Variants in PLD5 observed in about 807,000 individuals in gnomAD.
PLD5 encodes phospholipase D family member 5.
Under a neutral mutation model 61.1 loss-of-function variants are expected in PLD5, and 36 were observed. That is an observed-to-expected ratio of 0.59 (90% confidence interval 0.45 to 0.78). The LOEUF (loss-of-function observed/expected upper bound fraction) is 0.78, where lower values mean the gene tolerates loss of function less well. Ranked by LOEUF, PLD5 falls within the 30% of genes least tolerant of loss-of-function variation. The pLI is 0.00. For missense variants in PLD5, 515 were observed against 644.4 expected (o/e 0.80, Z 2.17); for synonymous variants, 243 against 242.8 (o/e 1.00, Z -0.01).
chr1:242,222,697 G>C (rs1169880232), intron 4 of PLD5, among the ~76,000 whole-genome samples: 1 of 152,120 alleles, frequency 6.6e-6, no homozygotes, highest in Non-Finnish European at 1.5e-5. Context: ...CACTGGGGAC[G>C]ACCTCTTTGT....
chr1:242,519,992 G>T (rs1669227365), intron 1 of PLD5, among the ~76,000 whole-genome samples: 1 of 152,194 alleles, frequency 6.6e-6, no homozygotes, highest in Non-Finnish European at 1.5e-5. Flanking sequence ...GCCAAACACT[G>T]CACTAAGTGC....
chr1:242,221,402 T>C (rs888586272), intron 4 of PLD5, among the ~76,000 whole-genome samples: 4 of 152,234 alleles, frequency 2.6e-5, no homozygotes, highest in Non-Finnish European at 5.9e-5. Flanking sequence ...GTCAGAGTCT[T>C]CATTACCACA....
intron 1 of PLD5, among the ~76,000 whole-genome samples, chr1:242,455,641 A>G (rs1666921703): frequency 6.6e-6 from 1 of 152,242 alleles, no homozygotes; most frequent in Admixed American, 6.5e-5. Flanking sequence ...GCAATGAAGT[A>G]GGCGCTTATA....
intron 1 of PLD5, among the ~76,000 whole-genome samples, chr1:242,439,947 G>A (rs2810030): frequency 0.42 from 64,585 of 151,988 alleles, 13,919 homozygotes; most frequent in Admixed American, 0.49. Context: ...TTCAGTTTGG[G>A]AAACTCCAAA....
At chr1:242,123,862 G>C (rs1240827481) in intron 6 of PLD5, among the ~76,000 whole-genome samples, 4 of 152,170 alleles carry the variant, frequency 2.6e-5, no homozygotes, top group Admixed American at 6.5e-5. Context: ...GGACTGGGAA[G>C]GTGAGGGTGG....
intron 3 of PLD5, among the ~76,000 whole-genome samples, chr1:242,286,677 T>C (rs1364764142): frequency 6.6e-6 from 1 of 152,224 alleles, no homozygotes; most frequent in African/African-American, 2.4e-5. Context: ...TAAAAACATC[T>C]TACTTTGGCC....
chr1:242,115,006 G>A (rs955192978), intron 6 of PLD5, among the ~76,000 whole-genome samples: 15 of 151,774 alleles, frequency 9.9e-5, no homozygotes, highest in African/African-American at 2.7e-4. Context: ...GTGAAACCCC[G>A]TCTCTACTAA....
chr1:242,396,854 A>G (rs1023690760), intron 1 of PLD5, among the ~76,000 whole-genome samples: 19 of 151,308 alleles, frequency 1.3e-4, no homozygotes, highest in African/African-American at 4.6e-4. Context: ...TAATTTTTGT[A>G]TTTTTAGCAG....
chr1:242,235,195 G>T (rs1558379301), intron 4 of PLD5, among the ~76,000 whole-genome samples: 1 of 152,090 alleles, frequency 6.6e-6, no homozygotes, highest in Non-Finnish European at 1.5e-5. Flanking sequence ...CCTCATGAGG[G>T]TAATAACAGG....
intron 1 of PLD5, among the ~76,000 whole-genome samples, chr1:242,502,551 T>G (rs1668587000): frequency 1.3e-5 from 2 of 151,932 alleles, no homozygotes; most frequent in African/African-American, 4.9e-5. Flanking sequence ...AAGATACCTT[T>G]TCTTGCATTT....
intron 4 of PLD5, among the ~76,000 whole-genome samples, chr1:242,253,577 T>G (rs1672841619): frequency 6.6e-6 from 1 of 152,018 alleles, no homozygotes; most frequent in Non-Finnish European, 1.5e-5. Context: ...TCTCCCAAAG[T>G]GCTGGGATTA....
rs1282261048 is a variant in PLD5 at position 242,263,832 on chromosome 1, A to G, written c.607+1505T>C. ...TTTATTCGTGCATTTGTCAATCACT[A>G]TTTGCTGTTTACAGTAGCAAATATT... On this transcript the variant is annotated intron_variant, in intron 4 of 9. Transcript: ENST00000536534. 3.9e-5 allele frequency among the ~76,000 whole-genome samples: 6 copies of G among 152,236 alleles called. No homozygotes were observed. The South Asian group carries it at 8.3e-4, about 21-fold the overall frequency.
chr1:242,227,362 G>A (rs1174838643), intron 4 of PLD5, among the ~76,000 whole-genome samples: 1 of 151,846 alleles, frequency 6.6e-6, no homozygotes, highest in African/African-American at 2.4e-5. Context: ...ACACTGCTCT[G>A]TTTGTTTGTT....
intron 1 of PLD5, among the ~76,000 whole-genome samples, chr1:242,457,986 T>A (rs1294259731): frequency 6.6e-6 from 1 of 152,186 alleles, no homozygotes; most frequent in Non-Finnish European, 1.5e-5. Flanking sequence ...CCTTTCAATA[T>A]CACTTTAGGT....
chr1:242,459,167 T>A (rs1418288202), intron 1 of PLD5, among the ~76,000 whole-genome samples: 1 of 152,232 alleles, frequency 6.6e-6, no homozygotes, highest in Admixed American at 6.5e-5. Context: ...ACAAATGCAA[T>A]GTGATTGGAA....
At chr1:242,273,331 G>A (rs1020226128) in intron 3 of PLD5, among the ~76,000 whole-genome samples, 1 of 152,024 alleles carries the variant, frequency 6.6e-6, no homozygotes, top group Admixed American at 6.6e-5. Flanking sequence ...TATCATTGAT[G>A]GGCATTTGGG....
chr1:242,199,744 C>T (rs1668867739), intron 5 of PLD5, among the ~76,000 whole-genome samples: 1 of 152,186 alleles, frequency 6.6e-6, no homozygotes, highest in Admixed American at 6.5e-5. Flanking sequence ...TTGCCTCCCA[C>T]TTATGAGTGA....
At chr1:242,493,900 T>A in intron 1 of PLD5, among the ~76,000 whole-genome samples, 1 of 152,254 alleles carries the variant, frequency 6.6e-6, no homozygotes, top group East Asian at 1.9e-4. Context: ...AAATCCCTTC[T>A]CATAGCTAAG....
chr1:242,255,586 T>A (rs1339233561), intron 4 of PLD5, among the ~76,000 whole-genome samples: 2 of 152,214 alleles, frequency 1.3e-5, no homozygotes, highest in African/African-American at 4.8e-5. Flanking sequence ...ACCCTAAAAC[T>A]TAAAGTATAA....
Sources: gnomAD v4.1 joint callset for allele counts (sites outside exome capture counted in the v4.1 genomes callset) on GRCh38, gnomAD v4.1.1 for gene constraint, MANE v1.5 for transcripts, NCBI Gene and HGNC (gene_info 2026-07-23, HGNC 2026-07-21) for gene names.